Variants in DNAH6 observed in about 807,000 individuals in gnomAD.
DNAH6 encodes the protein dynein axonemal heavy chain 6.
A neutral mutation model predicts 491.4 loss-of-function variants in DNAH6; 340 were observed. The observed-to-expected ratio is 0.69, with a 90% CI of 0.63 to 0.76. The LOEUF is 0.76. DNAH6 is among the 30% of genes least tolerant of loss of function. The pLI is 0.00. For missense variants in DNAH6, 4,443 were observed against 4,972.2 expected (o/e 0.89, Z 3.20); for synonymous variants, 1,603 against 1,686.1 (o/e 0.95, Z 1.21).
rs1409168002 is a variant in DNAH6 at position 84,624,351 on chromosome 2, G to T, written c.4158G>T (p.Val1386=). 6.4e-7 allele frequency: 1 copy of T among 1,551,304 alleles called. No homozygotes were observed. Among genetic ancestry groups the T allele is most frequent in the Admixed American group, 2.0e-5 (1 of 50,974 alleles). ...NILTALITID[V]HARDIVTELV... ...TAACTGCATTGATTACTATTGATGT[G>T]CATGCAAGAGATATAGTCACTGAAC... is the stretch of plus-strand genomic sequence containing the variant. The change falls in exon 27 of 77, where the codon GTG becomes GTT. Residue 1386 remains valine (V), a synonymous_variant. Coordinates refer to ENST00000389394, the MANE Select transcript of DNAH6 (RefSeq NM_001370.2).
intron 40 of DNAH6, among the ~76,000 whole-genome samples, chr2:84,673,952 A>AT (rs1392863217): frequency 2.0e-5 from 3 of 152,218 alleles, no homozygotes; most frequent in Non-Finnish European, 2.9e-5. Context: ...GATATTCAGT[A>AT]TTAACCATCA....
chr2:84,479,831 A>G, the DNAH6 span, among the ~76,000 whole-genome samples: 5 of 152,244 alleles, frequency 3.3e-5, no homozygotes, highest in Non-Finnish European at 5.9e-5. Flanking sequence ...GGATACCACA[A>G]AAATCAAACC....
chr2:84,720,372 G>T (rs183566080), intron 59 of DNAH6, among the ~76,000 whole-genome samples: 5,167 of 144,592 alleles, frequency 0.036, 109 homozygotes, highest in Middle Eastern at 0.086. Context: ...TCCGCCTCCC[G>T]GGTTCACGCC....
At chr2:84,816,549 C>T (rs1245503508) in intron 76 of DNAH6, among the ~76,000 whole-genome samples, 1 of 152,100 alleles carries the variant, frequency 6.6e-6, no homozygotes, top group Non-Finnish European at 1.5e-5. Flanking sequence ...CATAGTGAAA[C>T]CCTGTCTCTA....
At chr2:84,509,576 T>G in the DNAH6 span, among the ~76,000 whole-genome samples, 5 of 152,204 alleles carry the variant, frequency 3.3e-5, no homozygotes, top group African/African-American at 9.7e-5. Flanking sequence ...CCATTTACAT[T>G]TAAGGTTAAT....
Position 84,544,507 on chromosome 2 carries a change from AT to A in DNAH6, c.930+10del. Reference sequence around the variant, plus strand: ...TTTGTTCATTGTTAATCCTGTATGTATTTATCATTTATATTTTAAAATAATT... The same window carrying A: ...TTTGTTCATTGTTAATCCTGTATGTATTATCATTTATATTTTAAAATAATT... On this transcript the variant is annotated splice_region_variant and intron_variant, in intron 5 of 76. Transcript: ENST00000389394. 1 of 1,331,772 alleles carries A rather than the reference AT, an allele frequency of 7.5e-7. No individual in the cohort carries two copies. Among genetic ancestry groups the A allele is most frequent in the Non-Finnish European group, 1.0e-6 (1 of 968,402 alleles). The allele number at this position is 1,331,772 out of a possible 1,614,324, so 82.5% of individuals were successfully genotyped here.
intron 65 of DNAH6, among the ~76,000 whole-genome samples, chr2:84,784,371 A>C (rs923165382): frequency 6.6e-6 from 1 of 152,206 alleles, no homozygotes; most frequent in African/African-American, 2.4e-5. Flanking sequence ...ATCCTCATGA[A>C]AATAAATACA....
At chr2:84,652,818 T>C (rs1463704556) in intron 33 of DNAH6, among the ~76,000 whole-genome samples, 3 of 152,072 alleles carry the variant, frequency 2.0e-5, no homozygotes, top group Non-Finnish European at 4.4e-5. Flanking sequence ...TCTTGCATGA[T>C]GCTAATTTTA....
chr2:84,819,325 G>T lies in DNAH6; in HGVS notation c.12394G>T (p.Val4132Leu). 1 of 1,549,816 alleles carries T rather than the reference G, an allele frequency of 6.5e-7. No individual in the cohort carries two copies. Among genetic ancestry groups the T allele is most frequent in the Non-Finnish European group, 8.7e-7 (1 of 1,146,176 alleles). The change falls in exon 77 of 77, where the codon GTA (valine) becomes TTA (leucine). Residue 4132 changes from valine to leucine, a missense_variant. Around this residue, in one of 3 missense-constraint regions of DNAH6, gnomAD observed 1,463 missense variants for 1,656.6 expected, o/e 0.88. Transcript: ENST00000389394. The stretch of plus-strand genomic sequence containing the variant: ...ATTAGGACATTCAACCAATTTTGTG[G>T]TAACCGTCCTGTTACCCTCCAAGCG... ...STTGHSTNFV[V>L]TVLLPSKRSK...
At chr2:84,626,785 G>A (rs1025293928) in intron 29 of DNAH6, among the ~76,000 whole-genome samples, 4 of 151,908 alleles carry the variant, frequency 2.6e-5, no homozygotes, top group East Asian at 1.9e-4. Context: ...TATTTTTAGC[G>A]GAGATGGGGG....
At chr2:84,719,504 TTTTTA>T (rs1261405719) in intron 59 of DNAH6, among the ~76,000 whole-genome samples, 71 of 152,030 alleles carry the variant, frequency 4.7e-4, no homozygotes, top group African/African-American at 1.6e-3. Flanking sequence ...TTTTTTTTGT[TTTTTA>T]TTTTGTTTTG....
chr2:84,687,934 C>G (rs1375349383), intron 44 of DNAH6, among the ~76,000 whole-genome samples: 1 of 152,022 alleles, frequency 6.6e-6, no homozygotes. Flanking sequence ...AATAACCTAA[C>G]AGCAAAAAAA....
At position 84,759,262 on chromosome 2, in the gene DNAH6, CT is replaced by C. The variant is rs1674342305; in HGVS notation, c.10513-3490del. Among the ~76,000 whole-genome samples the C allele has an allele frequency of 4.6e-5, 7 of 151,460 alleles. 1 individual carries two copies. The South Asian group carries it at 1.5e-3, about 32-fold the overall frequency. On this transcript the variant is annotated intron_variant, in intron 63 of 76. Coordinates refer to ENST00000389394, the MANE Select transcript of DNAH6 (RefSeq NM_001370.2). ...GTGACTCACACCTGTAATCCTCACA[CT>C]TTGGGAGGCCAAGATGGGTGGATTG...
intron 64 of DNAH6, among the ~76,000 whole-genome samples, chr2:84,773,558 T>C (rs1403529764): frequency 6.6e-6 from 1 of 152,092 alleles, no homozygotes; most frequent in Non-Finnish European, 1.5e-5. Context: ...AGTAGAACAA[T>C]TGATTTTCTT....
intron 31 of DNAH6, among the ~76,000 whole-genome samples, chr2:84,638,219 A>G (rs141067008): frequency 6.6e-6 from 1 of 152,276 alleles, no homozygotes; most frequent in East Asian, 1.9e-4. Context: ...TCACTATGCT[A>G]CCCAGGCTGG....
At chr2:84,553,190 A>G (rs1488901872) in intron 10 of DNAH6, among the ~76,000 whole-genome samples, 156 bp downstream of exon 10, 1 of 152,242 alleles carries the variant, frequency 6.6e-6, no homozygotes, top group Non-Finnish European at 1.5e-5. Flanking sequence ...CATTATAGCT[A>G]TATATAAACT....
chr2:84,766,254 A>AT (rs1208005238), intron 64 of DNAH6, among the ~76,000 whole-genome samples: 1 of 152,206 alleles, frequency 6.6e-6, no homozygotes, highest in African/African-American at 2.4e-5. Flanking sequence ...CAAATGCAAG[A>AT]TTTTCAAGTA....
At chr2:84,670,113 T>C (rs920252408) in intron 38 of DNAH6, among the ~76,000 whole-genome samples, 1 of 152,210 alleles carries the variant, frequency 6.6e-6, no homozygotes, top group African/African-American at 2.4e-5. Flanking sequence ...TGAAACTAAA[T>C]TAAAACTTTT....
intron 63 of DNAH6, among the ~76,000 whole-genome samples, chr2:84,752,403 G>A (rs924282564): frequency 2.6e-5 from 4 of 152,062 alleles, no homozygotes; most frequent in African/African-American, 9.7e-5. Context: ...AAAATGCCAC[G>A]TTAGCTGTCA....
Sources: allele counts gnomAD v4.1 joint callset (sites outside exome capture counted in the v4.1 genomes callset), GRCh38; gene constraint gnomAD v4.1.1; regional missense constraint gnomAD v4.1.1; transcripts MANE v1.5; gene names NCBI Gene and HGNC (gene_info 2026-07-23, HGNC 2026-07-21).